Variants in MAGI2 observed in about 807,000 individuals in gnomAD.
MAGI2 encodes the protein membrane associated guanylate kinase, WW and PDZ domain containing 2.
MAGI2 carries 35 observed loss-of-function variants against 133.3 expected under a neutral mutation model. The ratio of observed to expected loss-of-function variants is 0.26; its 90% confidence interval spans 0.20 to 0.35. MAGI2 has a LOEUF of 0.35. Ranked by LOEUF, MAGI2 falls within the 10% of genes least tolerant of loss-of-function variation. The pLI, the probability that MAGI2 is intolerant of heterozygous loss-of-function variation, is 1.00. For missense variants in MAGI2, 1,636 were observed against 1,863.4 expected (o/e 0.88, Z 2.25); for synonymous variants, 729 against 710.6 (o/e 1.03, Z -0.41).
At chr7:78,181,312 G>A (rs1181550104) in intron 13 of MAGI2, among the ~76,000 whole-genome samples, 1 of 152,062 alleles carries the variant, frequency 6.6e-6, no homozygotes, top group African/African-American at 2.4e-5. Context: ...GTTAGATGAG[G>A]GTGTCTGGTA....
chr7:79,420,002 G>C (rs141326145), intron 1 of MAGI2, among the ~76,000 whole-genome samples: 1 of 152,116 alleles, frequency 6.6e-6, no homozygotes, highest in African/African-American at 2.4e-5. Context: ...CATATTATTG[G>C]TTACATCAAT....
At chr7:78,270,634 G>GT (rs1297611275) in intron 9 of MAGI2, among the ~76,000 whole-genome samples, 2 of 152,124 alleles carry the variant, frequency 1.3e-5, no homozygotes, top group Non-Finnish European at 2.9e-5. Flanking sequence ...CTTTGCTGAA[G>GT]TTGCCTATCA....
intron 2 of MAGI2, among the ~76,000 whole-genome samples, chr7:78,670,745 C>G (rs1382901291): frequency 3.3e-5 from 5 of 152,112 alleles, no homozygotes; most frequent in Admixed American, 3.3e-4. Context: ...TGGAACAGAA[C>G]AGAGCCCTCA....
intron 2 of MAGI2, among the ~76,000 whole-genome samples, chr7:78,751,241 A>G (rs978639931): frequency 6.6e-6 from 1 of 152,236 alleles, no homozygotes; most frequent in African/African-American, 2.4e-5. Context: ...ATTTCCCCAA[A>G]AGCACTGGTT....
chr7:78,465,614 C>G (rs1167182199), intron 6 of MAGI2, among the ~76,000 whole-genome samples: 1 of 152,108 alleles, frequency 6.6e-6, no homozygotes, highest in African/African-American at 2.4e-5. Flanking sequence ...GAGGTTTCTT[C>G]CAGACCATGA....
At chr7:78,502,755 A>G (rs1370264183) in intron 4 of MAGI2, among the ~76,000 whole-genome samples, 34 of 152,142 alleles carry the variant, frequency 2.2e-4, no homozygotes, top group Non-Finnish European at 2.9e-5. Context: ...AACAGAGCAA[A>G]AACTACCTTA....
chr7:79,122,958 A>G (rs1213982881), intron 1 of MAGI2, among the ~76,000 whole-genome samples: 1 of 152,122 alleles, frequency 6.6e-6, no homozygotes. Flanking sequence ...AATAGAGATT[A>G]GTATGTTTAA....
intron 16 of MAGI2, 52 bp downstream of exon 16, chr7:78,159,973 A>G (rs1824806678): frequency 1.1e-5 from 17 of 1,514,540 alleles, no homozygotes; most frequent in Non-Finnish European, 1.5e-5. Flanking sequence ...TATCACTGGA[A>G]CAAATCAAAA....
intron 1 of MAGI2, among the ~76,000 whole-genome samples, chr7:79,164,674 T>G (rs1562955206): frequency 6.6e-6 from 1 of 152,076 alleles, no homozygotes; most frequent in Non-Finnish European, 1.5e-5. Flanking sequence ...AGAAAATGTT[T>G]ACATTTACCT....
intron 9 of MAGI2, among the ~76,000 whole-genome samples, chr7:78,299,029 C>T (rs62463898): frequency 0.048 from 7,298 of 151,954 alleles, 242 homozygotes; most frequent in South Asian, 0.12. Context: ...GTTGGTCAGG[C>T]TGGTCTTGAA....
At position 79,399,079 on chromosome 7, in the gene MAGI2, C is replaced by CTTTTCTTTTTTTTTTTTTTTTTTTTTTTT. The variant is rs1585840184; in HGVS notation, c.301+53940_301+53941insAAAAAAAAAAAAAAAAAAAAAAAAGAAAA. On this transcript the variant is annotated intron_variant, in intron 1 of 21. Coordinates refer to ENST00000354212, the MANE Select transcript of MAGI2 (RefSeq NM_012301.4). ...CATCTTCAATTCACTAGTATTATTT[C>CTTTTCTTTTTTTTTTTTTTTTTTTTTTTT]TTTTTTTTTTCTTTTCTTTTTTTTT... Among the ~76,000 whole-genome samples the CTTTTCTTTTTTTTTTTTTTTTTTTTTTTT allele has an allele frequency of 7.0e-5, 8 of 114,660 alleles. 1 individual carries two copies. The highest frequency in any genetic ancestry group is 2.9e-4 in the East Asian group (1 of 3,414). The allele number at this position is 114,660 out of a possible 152,430, so 75.2% of individuals were successfully genotyped here. A position where few individuals can be genotyped will look rare whatever the true frequency, so the allele number is the denominator to read the frequency against.
At chr7:78,247,541 GA>G (rs1288749337) in intron 10 of MAGI2, among the ~76,000 whole-genome samples, 1 of 151,954 alleles carries the variant, frequency 6.6e-6, no homozygotes, top group Non-Finnish European at 1.5e-5. Context: ...ATAGACAGTT[GA>G]AAAAAATCAG....
At chr7:79,010,645 T>C (rs1807988511) in intron 1 of MAGI2, among the ~76,000 whole-genome samples, 1 of 152,168 alleles carries the variant, frequency 6.6e-6, no homozygotes, top group South Asian at 2.1e-4. Context: ...TCAATCGTTT[T>C]GTTGAGCAGA....
chr7:79,175,200 T>C (rs1417738123), intron 1 of MAGI2, among the ~76,000 whole-genome samples: 1 of 151,930 alleles, frequency 6.6e-6, no homozygotes, highest in Non-Finnish European at 1.5e-5. Flanking sequence ...TTTATATATG[T>C]CCAAAAGAAA....
chr7:78,961,434 G>A (rs367857074), intron 2 of MAGI2, among the ~76,000 whole-genome samples: 2 of 151,980 alleles, frequency 1.3e-5, no homozygotes, highest in Non-Finnish European at 2.9e-5. Context: ...CATCTCCTTT[G>A]GCTCTTACTG....
intron 1 of MAGI2, among the ~76,000 whole-genome samples, chr7:79,406,176 T>C (rs1297334615): frequency 2.0e-5 from 3 of 152,080 alleles, no homozygotes; most frequent in Admixed American, 2.0e-4. Context: ...TTGAAATCCC[T>C]ATTTAACAGA....
chr7:78,959,802 T>C (rs997119223), intron 2 of MAGI2, among the ~76,000 whole-genome samples: 2 of 152,178 alleles, frequency 1.3e-5, no homozygotes, highest in South Asian at 2.1e-4. Context: ...AATTGACTTA[T>C]GAGTTAATCA....
chr7:78,533,085 G>A (rs1051232961), intron 3 of MAGI2, among the ~76,000 whole-genome samples: 1 of 152,018 alleles, frequency 6.6e-6, no homozygotes, highest in Admixed American at 6.6e-5. Flanking sequence ...GGGACTACAG[G>A]TGCCCACCAC....
chr7:78,049,612 C>T (rs969091563), intron 21 of MAGI2, among the ~76,000 whole-genome samples: 9 of 152,102 alleles, frequency 5.9e-5, no homozygotes, highest in East Asian at 1.9e-4. Flanking sequence ...AAGTGGCTCG[C>T]GGTAGAACCC....
Sources: gnomAD v4.1 joint callset for allele counts (sites outside exome capture counted in the v4.1 genomes callset) on GRCh38, gnomAD v4.1.1 for gene constraint, MANE v1.5 for transcripts, NCBI Gene and HGNC (gene_info 2026-07-23, HGNC 2026-07-21) for gene names.